The following IQSEC1 variants were observed in gnomAD, a reference collection of about 807,000 sequenced individuals.
IQSEC1 encodes IQ motif and Sec7 domain ArfGEF 1, also known as IQ motif and SEC7 domain-containing protein 1.
In IQSEC1, 31 loss-of-function variants were observed where a neutral mutation model predicts 91.0. The ratio of observed to expected loss-of-function variants is 0.34; its 90% CI spans 0.26 to 0.46. IQSEC1 has a LOEUF of 0.46. IQSEC1 is among the 20% of genes least tolerant of loss of function. The pLI, the probability that IQSEC1 is intolerant of heterozygous loss-of-function variation, is 1.00. For synonymous variants in IQSEC1, 699 were observed against 662.6 expected (o/e 1.05, Z -0.84); for missense variants, 1,388 against 1,575.6 (o/e 0.88, Z 2.02).
chr3:13,186,195 T>C (rs530743756), intron 1 of IQSEC1, among the ~76,000 whole-genome samples: 86 of 152,310 alleles, frequency 5.6e-4, no homozygotes, highest in African/African-American at 2.0e-3. Flanking sequence ...GCCACCCCAC[T>C]GGAACGTCTG....
intron 2 of IQSEC1, among the ~76,000 whole-genome samples, chr3:13,092,313 G>A (rs1705876945): frequency 6.6e-6 from 1 of 152,192 alleles, no homozygotes; most frequent in Non-Finnish European, 1.5e-5. Context: ...GGCGCTAGGT[G>A]TAATGCTCAG....
rs984025262 is a variant in IQSEC1, at chr3:13,008,268, C to T, written c.23+64724G>A. 1.2e-4 allele frequency among the ~76,000 whole-genome samples: 18 copies of T among 151,466 alleles called. No individual in the cohort carries two copies. The highest frequency in any genetic ancestry group is 1.1e-3 in the Admixed American group (17 of 15,270). ...AGCTGGACACCTCTCCTTCCCGCGT[C>T]GAAGCTCAGAGGTGAGCCTCAGCTG... On this transcript the variant is annotated intron_variant, in intron 1 of 13. Transcript: ENST00000613206. This position sits in a 1 kb window ranked among gnomAD's most constrained non-coding sequence, Gnocchi z 4.1.
At chr3:13,034,824 T>C (rs1239887634) in intron 1 of IQSEC1, among the ~76,000 whole-genome samples, 1 of 152,220 alleles carries the variant, frequency 6.6e-6, no homozygotes, top group African/African-American at 2.4e-5. Context: ...AACAGAAGTG[T>C]CTGAGCTAAT....
intron 1 of IQSEC1, among the ~76,000 whole-genome samples, chr3:13,255,648 G>T (rs1695272663): frequency 6.6e-6 from 1 of 151,936 alleles, no homozygotes; most frequent in Non-Finnish European, 1.5e-5. Flanking sequence ...ACAGGGTCTT[G>T]CTCTGTCATC....
intron 1 of IQSEC1, among the ~76,000 whole-genome samples, chr3:13,213,783 G>C (rs571895276): frequency 1.3e-5 from 2 of 152,298 alleles, no homozygotes; most frequent in South Asian, 2.1e-4. Flanking sequence ...CATCAAGGTA[G>C]AAAAGATGCT....
intron 2 of IQSEC1, among the ~76,000 whole-genome samples, chr3:13,146,478 T>C (rs772985524): frequency 3.9e-5 from 6 of 152,204 alleles, no homozygotes; most frequent in Non-Finnish European, 5.9e-5. Flanking sequence ...CGGGCAGTGA[T>C]GACCCCCATA....
chr3:12,988,103 A>G (rs1406277659), intron 1 of IQSEC1, among the ~76,000 whole-genome samples: 1 of 152,254 alleles, frequency 6.6e-6, no homozygotes, highest in African/African-American at 2.4e-5. Flanking sequence ...GCCTGTCGAT[A>G]CAATGAAATA....
Position 12,945,358 on chromosome 3 carries a change from G to A in IQSEC1, c.24-3493C>T, listed in dbSNP as rs368093339. On this transcript the variant is annotated intron_variant, in intron 1 of 13. Coordinates refer to ENST00000613206, the MANE Select transcript of IQSEC1 (RefSeq NM_001134382.3). ...TGGCCGGGCCTCCCTCTCCAGGAAG[G>A]GAAGGCCTGACAGTCACCCACAGTC... Among the ~76,000 whole-genome samples the A allele has an allele frequency of 7.9e-5, 12 of 152,072 alleles. 1 individual carries two copies. Among genetic ancestry groups the A allele is most frequent in the Admixed American group, 5.2e-4 (8 of 15,288 alleles).
intron 2 of IQSEC1, among the ~76,000 whole-genome samples, chr3:13,144,562 TCTC>T (rs1319361602): frequency 2.2e-4 from 34 of 152,206 alleles, no homozygotes; most frequent in African/African-American, 7.7e-4. Context: ...CCTGGGGACA[TCTC>T]CTTCCTCTGG....
upstream of IQSEC1, among the ~76,000 whole-genome samples, chr3:13,075,180 A>G (rs1705544116): frequency 6.6e-6 from 1 of 152,074 alleles, no homozygotes; most frequent in African/African-American, 2.4e-5. Context: ...CTGGAGTTTC[A>G]AAAGATTTTA....
chr3:13,063,399 A>T (rs1705132771), intron 1 of IQSEC1, among the ~76,000 whole-genome samples: 2 of 152,236 alleles, frequency 1.3e-5, no homozygotes, highest in Admixed American at 1.3e-4. Context: ...ATGGAATGTT[A>T]TTTGTCTCTG....
At chr3:13,181,678 C>T (rs1001119004) in intron 1 of IQSEC1, among the ~76,000 whole-genome samples, 1 of 152,208 alleles carries the variant, frequency 6.6e-6, no homozygotes, top group African/African-American at 2.4e-5. Context: ...CAGATGGAGG[C>T]AGAGAGAACA....
chr3:13,252,787 G>C (rs1695219155), intron 1 of IQSEC1, among the ~76,000 whole-genome samples: 1 of 151,822 alleles, frequency 6.6e-6, no homozygotes. Context: ...GGCTGGAGTA[G>C]AGTGGCACAA....
chr3:13,205,061 G>A (rs1694319122), intron 1 of IQSEC1, among the ~76,000 whole-genome samples: 1 of 151,768 alleles, frequency 6.6e-6, no homozygotes, highest in Admixed American at 6.6e-5. Flanking sequence ...ACCTCCCAAA[G>A]TGCTGGGATT....
chr3:13,078,014 G>A (rs181163579), upstream of IQSEC1, among the ~76,000 whole-genome samples: 103 of 152,336 alleles, frequency 6.8e-4, 1 homozygote, highest in African/African-American at 2.4e-3. Context: ...AAGGACGGCC[G>A]TGGCCAATGG....
At chr3:12,987,850 C>T (rs987627835) in intron 1 of IQSEC1, among the ~76,000 whole-genome samples, 3 of 152,176 alleles carry the variant, frequency 2.0e-5, no homozygotes, top group Non-Finnish European at 2.9e-5. Flanking sequence ...CCAACCTCAT[C>T]GGGGAGATGC....
intron 1 of IQSEC1, among the ~76,000 whole-genome samples, chr3:13,035,528 A>C (rs1704002831): frequency 6.6e-6 from 1 of 152,158 alleles, no homozygotes; most frequent in South Asian, 2.1e-4. Context: ...AAGAAAAAGA[A>C]AACCTGCCAC....
At chr3:13,197,979 T>C (rs1694167045) in intron 1 of IQSEC1, among the ~76,000 whole-genome samples, 1 of 152,140 alleles carries the variant, frequency 6.6e-6, no homozygotes, top group Non-Finnish European at 1.5e-5. Flanking sequence ...GCACCCGGCC[T>C]CCCGAGGCCT....
chr3:12,918,073 G>A (rs1403903542), intron 6 of IQSEC1, among the ~76,000 whole-genome samples: 2 of 152,236 alleles, frequency 1.3e-5, no homozygotes, highest in Admixed American at 6.5e-5. Flanking sequence ...CAGGAGTCCA[G>A]GGACCTGCCT....
Sources: gnomAD v4.1 joint callset for allele counts (sites outside exome capture counted in the v4.1 genomes callset) on GRCh38, gnomAD v4.1.1 for gene constraint, Gnocchi (gnomAD v3.1) non-coding constraint, MANE v1.5 for transcripts, NCBI Gene and HGNC (gene_info 2026-07-23, HGNC 2026-07-21) for gene names.